Variants in CRACD observed in about 807,000 individuals in gnomAD.
CRACD encodes the protein capping protein-inhibiting regulator of actin dynamics.
A neutral mutation model predicts 106.8 loss-of-function variants in CRACD; 56 were observed. The observed-to-expected ratio is 0.52, with a 90% confidence interval of 0.42 to 0.66. CRACD has a LOEUF of 0.66. Among genes scored for constraint, CRACD ranks in the 30% least tolerant of loss-of-function variants. The pLI, the probability that CRACD is intolerant of heterozygous loss-of-function variation, is 0.00. For synonymous variants in CRACD, 754 were observed against 670.8 expected, an observed-to-expected ratio of 1.12 and a Z score of -1.92; for missense variants, 1,730 against 1,623.2, an observed-to-expected ratio of 1.07 and a Z score of -1.13.
intron 1 of CRACD, among the ~76,000 whole-genome samples, chr4:56,130,710 A>G (rs923059245): frequency 6.6e-6 from 1 of 152,098 alleles, no homozygotes; most frequent in East Asian, 1.9e-4. Flanking sequence ...GTAATGTCAT[A>G]GTTGTTTTTT....
chr4:56,102,433 C>T (rs1336273606), intron 1 of CRACD, among the ~76,000 whole-genome samples: 1 of 152,118 alleles, frequency 6.6e-6, no homozygotes, highest in South Asian at 2.1e-4. Context: ...GGTAGAGAAA[C>T]GTATGACTAG....
At position 56,263,743 on chromosome 4, in the gene CRACD, A is replaced by G. The variant is rs556212946; in HGVS notation, c.-188-8578A>G. Reference sequence around the variant, plus strand: ...TTTAAAAAATATTTTTTAAAGATCAATTCACACATGGGCTGGCACAAGAGA... The same window carrying G: ...TTTAAAAAATATTTTTTAAAGATCAGTTCACACATGGGCTGGCACAAGAGA... On this transcript the variant is annotated intron_variant, in intron 2 of 10. Coordinates refer to ENST00000682029, the MANE Select transcript of CRACD (RefSeq NM_001393381.1). Among the ~76,000 whole-genome samples, 9 of 152,320 alleles carry G rather than the reference A, an allele frequency of 5.9e-5. No homozygotes were observed. The East Asian group carries it at 9.6e-4, about 16-fold the overall frequency.
intron 1 of CRACD, among the ~76,000 whole-genome samples, chr4:56,128,473 G>C (rs1734725606): frequency 6.6e-6 from 1 of 152,166 alleles, no homozygotes; most frequent in South Asian, 2.1e-4. Context: ...TGGCTGGGCA[G>C]AGCTTTCATT....
chr4:56,315,777 C>T lies in CRACD; in HGVS notation c.2275C>T (p.Pro759Ser), dbSNP rs767474600. The T allele has an allele frequency of 3.1e-6, 5 of 1,614,222 alleles. No individual in the cohort carries two copies. In the South Asian group the frequency reaches 5.5e-5, roughly 18 times the overall value. The part of the protein sequence containing the change: ...PMLGPSEETA[P>S]QPPPAGVREL... ...GCTGGGACCCAGCGAAGAGACAGCC[C>T]CCCAGCCTCCTCCTGCTGGTGTTCG... is the stretch of plus-strand genomic sequence containing the variant. The change falls in exon 8 of 11, where the codon CCC becomes TCC. Residue 759 changes from proline (P) to serine (S), a missense_variant. By Grantham distance (74) the Pro-to-Ser change is moderately conservative. Around this residue, in one of 5 missense-constraint regions of CRACD, gnomAD observed 1,620 missense variants for 1,481.6 expected, o/e 1.09. Transcript: ENST00000682029. The surrounding 1 kb of genome is among the most constrained non-coding windows in gnomAD (Gnocchi z 4.1).
intron 1 of CRACD, among the ~76,000 whole-genome samples, chr4:56,108,253 G>A (rs1020322815): frequency 2.6e-5 from 4 of 152,106 alleles, no homozygotes; most frequent in Non-Finnish European, 4.4e-5. Context: ...ATTAAGATTA[G>A]CACCACCACC....
At chr4:56,257,267 A>T (rs1019338130) in intron 2 of CRACD, among the ~76,000 whole-genome samples, 1 of 151,888 alleles carries the variant, frequency 6.6e-6, no homozygotes, top group Non-Finnish European at 1.5e-5. Flanking sequence ...TTTTTAGTAG[A>T]AATGAGGTTT....
At position 56,314,751 on chromosome 4, in the gene CRACD, G is replaced by A. The variant is rs868437664; in HGVS notation, c.1249G>A (p.Gly417Arg). 5.0e-6 allele frequency: 8 copies of A among 1,586,712 alleles called. No individual in the cohort carries two copies. The African/African-American group carries it at 5.4e-5, about 11-fold the overall frequency. The change falls in exon 8 of 11, where the codon GGG (glycine) becomes AGG (arginine). Residue 417 changes from glycine (G) to arginine (R), a missense_variant. Coordinates refer to ENST00000682029, the MANE Select transcript of CRACD (RefSeq NM_001393381.1). This position sits in a 1 kb window ranked among gnomAD's most constrained non-coding sequence, Gnocchi z 4.4. ...CCAGGCGCACCTGGAGGACTGGAGG[G>A]GGCAGCTCAGTGAGCTTCTGAACGA... ...EGQAHLEDWR[G>R]QLSELLNDFE...
chr4:56,220,241 GAA>G (rs935804392), intron 2 of CRACD, among the ~76,000 whole-genome samples: 1 of 152,024 alleles, frequency 6.6e-6, no homozygotes, highest in African/African-American at 2.4e-5. Flanking sequence ...AAACACAGAA[GAA>G]AAAAAGATTA....
At chr4:56,135,104 A>C (rs969573940) in intron 1 of CRACD, among the ~76,000 whole-genome samples, 36 of 152,050 alleles carry the variant, frequency 2.4e-4, no homozygotes, top group African/African-American at 8.5e-4. Flanking sequence ...CAAGATGGTG[A>C]AACCCCATCT....
chr4:56,270,921 AACACACACACAC>A (rs35109908), intron 2 of CRACD, among the ~76,000 whole-genome samples: 5 of 145,644 alleles, frequency 3.4e-5, no homozygotes, highest in Non-Finnish European at 4.5e-5. Context: ...GTCTCTACTA[AACACACACACAC>A]ACACACACAC....
chr4:56,315,836 G>A lies in CRACD; in HGVS notation c.2334G>A (p.Met778Ile), dbSNP rs1427240661. The change falls in exon 8 of 11, where the codon ATG (methionine) becomes ATA (isoleucine). Residue 778 changes from methionine to isoleucine, a missense_variant. By Grantham distance (10) the Met-to-Ile change is conservative. Around this residue, in one of 5 missense-constraint regions of CRACD, gnomAD observed 1,620 missense variants for 1,481.6 expected, o/e 1.09. Transcript: ENST00000682029. The surrounding 1 kb of genome is among the most constrained non-coding windows in gnomAD (Gnocchi z 4.1). ...GGAAGGGTCCGGAGAAGTCGGAGATGCACCGGGAGCCCGCAGACACCACCG... is the reference window on the plus strand; with the variant it reads ...GGAAGGGTCCGGAGAAGTCGGAGATACACCGGGAGCCCGCAGACACCACCG... ...ELGKGPEKSE[M>I]HREPADTTEG... is the part of the protein sequence containing the mutation. 6.2e-7 allele frequency: 1 copy of A among 1,614,204 alleles called. No homozygotes were observed. The highest frequency in any genetic ancestry group is 2.2e-5 in the East Asian group (1 of 44,860).
intron 2 of CRACD, among the ~76,000 whole-genome samples, chr4:56,265,619 A>G (rs1273828744): frequency 1.3e-5 from 2 of 152,224 alleles, no homozygotes; most frequent in Non-Finnish European, 2.9e-5. Context: ...AGCCCTGCAT[A>G]TCCTCTGCTC....
chr4:56,253,035 A>T (rs1741139468), intron 2 of CRACD, among the ~76,000 whole-genome samples: 1 of 152,212 alleles, frequency 6.6e-6, no homozygotes, highest in Non-Finnish European at 1.5e-5. Flanking sequence ...CAGTGGGATG[A>T]CAGGGGTTGG....
At chr4:56,192,438 T>C (rs1439570537) in intron 2 of CRACD, among the ~76,000 whole-genome samples, 2 of 152,094 alleles carry the variant, frequency 1.3e-5, no homozygotes, top group Non-Finnish European at 2.9e-5. Flanking sequence ...ATTTTAACTT[T>C]TAACAATGTC....
rs528679131 is a variant in CRACD at position 56,298,593 on chromosome 4, T to C, written c.120+244T>C. Among the ~76,000 whole-genome samples, 24 of 152,294 alleles carry C rather than the reference T, an allele frequency of 1.6e-4. 1 individual carries two copies. The South Asian group carries it at 4.8e-3, about 30-fold the overall frequency. On this transcript the variant is annotated intron_variant, in intron 4 of 10. Transcript: ENST00000682029. ...CACCCTCTCCTTTTCTTTCAAATTG[T>C]TCCCTCATATTTTACTGGACATGAA...
At chr4:56,084,103 G>A (rs1175664165) in intron 1 of CRACD, among the ~76,000 whole-genome samples, 1 of 152,190 alleles carries the variant, frequency 6.6e-6, no homozygotes, top group East Asian at 1.9e-4. Flanking sequence ...CATGGCAGGT[G>A]TACTATAAGA....
At chr4:56,125,771 T>C (rs1253358915) in intron 1 of CRACD, among the ~76,000 whole-genome samples, 2 of 140,990 alleles carry the variant, frequency 1.4e-5, no homozygotes, top group South Asian at 2.4e-4. Flanking sequence ...CTTCTTTTTT[T>C]TTTTTTTTTT....
chr4:56,136,915 A>G (rs1735022654), intron 1 of CRACD, among the ~76,000 whole-genome samples: 1 of 152,208 alleles, frequency 6.6e-6, no homozygotes, highest in Non-Finnish European at 1.5e-5. Flanking sequence ...TCCACTGCAT[A>G]TTAACTTTTG....
intron 2 of CRACD, among the ~76,000 whole-genome samples, chr4:56,251,201 G>A (rs55918831): frequency 0.11 from 16,744 of 152,136 alleles, 947 homozygotes; most frequent in African/African-American, 0.13. Flanking sequence ...TGAGTCTTCT[G>A]GTCTCAGCGC....
Sources: allele counts gnomAD v4.1 joint callset (sites outside exome capture counted in the v4.1 genomes callset), GRCh38; gene constraint gnomAD v4.1.1; regional missense constraint gnomAD v4.1.1; non-coding constraint Gnocchi (gnomAD v3.1); transcripts MANE v1.5; gene names NCBI Gene and HGNC (gene_info 2026-07-23, HGNC 2026-07-21).